PCDH19: variants seen among roughly 807,000 people sequenced by gnomAD.
The protein encoded by PCDH19 is protocadherin-19.
A neutral mutation model predicts 46.2 loss-of-function variants in PCDH19; 6 were observed. The ratio of observed to expected loss-of-function variants is 0.13; its 90% CI spans 0.07 to 0.26. The LOEUF is 0.26. Ranked by LOEUF, PCDH19 falls within the 10% of genes least tolerant of loss-of-function variation. PCDH19 has a pLI of 1.00. For missense variants in PCDH19, 740 were observed against 972.3 expected (o/e 0.76, Z 3.18); for synonymous variants, 481 against 415.7 (o/e 1.16, Z -1.91).
intron 3 of PCDH19, among the ~76,000 whole-genome samples, chrX:100,375,616 G>A (rs1482901220): frequency 8.9e-6 from 1 of 111,782 alleles, no homozygotes; most frequent in Non-Finnish European, 1.9e-5. Context: ...ACCCAGTAAT[G>A]GGATGGCTAG....
intron 5 of PCDH19, among the ~76,000 whole-genome samples, chrX:100,332,739 C>T (rs1204880190): frequency 9.0e-6 from 1 of 110,601 alleles, no homozygotes; most frequent in African/African-American, 3.3e-5. Flanking sequence ...AGGCTGGGAG[C>T]GGTGGCTCAT....
intron 3 of PCDH19, among the ~76,000 whole-genome samples, chrX:100,386,326 G>A (rs1273743033): frequency 1.7e-4 from 19 of 111,338 alleles, no homozygotes; most frequent in Admixed American, 1.6e-3. Context: ...ATAAAGCATC[G>A]TGTGCTTAGT....
chrX:100,302,944 T>C (rs192405148), intron 5 of PCDH19, among the ~76,000 whole-genome samples: 1 of 111,757 alleles, frequency 8.9e-6, no homozygotes, highest in African/African-American at 3.3e-5. Context: ...CCAGATACTG[T>C]GCAACTCCTA....
intron 5 of PCDH19, among the ~76,000 whole-genome samples, chrX:100,335,785 G>A: frequency 9.0e-6 from 1 of 111,727 alleles, no homozygotes; most frequent in East Asian, 2.8e-4. Flanking sequence ...ATATTACTGA[G>A]TAATGAGTGA....
At chrX:100,371,255 G>A (rs2147508755) in intron 3 of PCDH19, among the ~76,000 whole-genome samples, 1 of 111,638 alleles carries the variant, frequency 9.0e-6, no homozygotes, top group Admixed American at 9.5e-5. Flanking sequence ...GTGGCTTTTA[G>A]CTTAATACAA....
intron 3 of PCDH19, among the ~76,000 whole-genome samples, chrX:100,386,627 A>G (rs1466048992): frequency 9.0e-6 from 1 of 111,704 alleles, no homozygotes; most frequent in East Asian, 2.8e-4. Flanking sequence ...AGCCATCTGA[A>G]GAGAAAATAT....
Position 100,292,254 on chromosome X carries a change from A to G in PCDH19, c.*4023T>C, listed in dbSNP as rs1257524308. 1 of 112,947 alleles carries G rather than the reference A, an allele frequency of 8.9e-6. No homozygotes were observed. The highest frequency in any genetic ancestry group is 1.9e-5 in the Non-Finnish European group (1 of 53,346). The allele number at this position is 112,947 out of a possible 1,213,427, so 9.3% of individuals were successfully genotyped here. A position where few individuals can be genotyped will look rare whatever the true frequency, so the allele number is the denominator to read the frequency against. On this transcript the variant is annotated 3_prime_UTR_variant, in exon 6 of 6. Transcript: ENST00000373034. The stretch of plus-strand genomic sequence containing the variant: ...AGCTGGTTTGTTTGCTAAGGTTGAC[A>G]GCAACTTTCAGTTAGTAACAAGGTC...
chrX:100,312,128 G>GAAGAGAGA (rs1925151369), intron 5 of PCDH19, among the ~76,000 whole-genome samples: 1 of 110,404 alleles, frequency 9.1e-6, no homozygotes, highest in African/African-American at 3.3e-5. Flanking sequence ...AGAGAAGAGA[G>GAAGAGAGA]AAGAGAGAAA....
chrX:100,306,434 T>C (rs929769917), intron 5 of PCDH19, among the ~76,000 whole-genome samples: 2 of 111,458 alleles, frequency 1.8e-5, no homozygotes, highest in South Asian at 7.5e-4. Flanking sequence ...GGAAAGTTCA[T>C]AGCATTAAAT....
chrX:100,406,348 T>C (rs1349902347), intron 1 of PCDH19, 103 bp downstream of exon 1: 2 of 627,579 alleles, frequency 3.2e-6, no homozygotes, highest in African/African-American at 4.4e-5. Context: ...GCAAGTATGC[T>C]GCATGCATTT....
chrX:100,333,236 A>G (rs1041250173), intron 5 of PCDH19, among the ~76,000 whole-genome samples: 2 of 106,830 alleles, frequency 1.9e-5, no homozygotes, highest in African/African-American at 3.4e-5. Context: ...AAAGAAAGAA[A>G]GAAAGAAAGA....
intron 2 of PCDH19, 23 bp from the exon 3 acceptor site, chrX:100,402,874 T>A (rs1442681508): frequency 8.9e-7 from 1 of 1,127,499 alleles, no homozygotes; most frequent in Non-Finnish European, 1.2e-6. Context: ...AAAGGCAGCA[T>A]GAATCACTAA....
chrX:100,354,906 GAAC>G (rs1254261203), intron 3 of PCDH19, among the ~76,000 whole-genome samples: 9 of 109,729 alleles, frequency 8.2e-5, no homozygotes, highest in Non-Finnish European at 1.3e-4. Context: ...AAAGAGATAA[GAAC>G]AACATTTGCT....
chrX:100,313,859 A>T (rs1191696008), intron 5 of PCDH19, among the ~76,000 whole-genome samples: 2 of 11,709 alleles, frequency 1.7e-4, no homozygotes, highest in South Asian at 7.1e-3. Context: ...GCTGTTAATC[A>T]CACACACACA....
chrX:100,324,023 C>T (rs1029219311), intron 5 of PCDH19, among the ~76,000 whole-genome samples: 1 of 111,629 alleles, frequency 9.0e-6, no homozygotes, highest in Non-Finnish European at 1.9e-5. Context: ...TCAGATTTGG[C>T]TTACAGTGTT....
intron 3 of PCDH19, among the ~76,000 whole-genome samples, chrX:100,379,846 C>G (rs1363498462): frequency 9.0e-6 from 1 of 111,422 alleles, no homozygotes; most frequent in East Asian, 2.8e-4. Flanking sequence ...GCCTTGCATG[C>G]CCTAAAACAC....
intron 5 of PCDH19, among the ~76,000 whole-genome samples, chrX:100,324,824 A>G (rs1401227557): frequency 9.0e-6 from 1 of 111,477 alleles, no homozygotes; most frequent in East Asian, 2.8e-4. Flanking sequence ...CTACTGTGGA[A>G]CAGACACTGC....
Position 100,342,021 on chromosome X carries a change from C to T in PCDH19, c.2730G>A (p.Glu910=), listed in dbSNP as rs1190810313. 1 of 1,209,624 alleles carries T rather than the reference C, an allele frequency of 8.3e-7. No homozygotes were observed. Among genetic ancestry groups the T allele is most frequent in the Non-Finnish European group, 1.1e-6 (1 of 893,605 alleles). The part of the protein sequence containing the change: ...EGNSLKDSGH[E]ESDQTDSEHD... ...GCTCACTGTCAGTTTGGTCACTCTC[C>T]TCATGTCCACTATCCTTCAGGCTGT... The change falls in exon 5 of 6, where the codon GAG becomes GAA. Residue 910 remains glutamate (E), a synonymous_variant. Transcript: ENST00000373034.
chrX:100,309,296 A>AT (rs1348303653), intron 5 of PCDH19, among the ~76,000 whole-genome samples: 1 of 111,702 alleles, frequency 9.0e-6, no homozygotes, highest in Non-Finnish European at 1.9e-5. Context: ...AAAACCAAAC[A>AT]TTATGTGTTC....
Sources: allele counts gnomAD v4.1 joint callset (sites outside exome capture counted in the v4.1 genomes callset), GRCh38; gene constraint gnomAD v4.1.1; transcripts MANE v1.5; gene names NCBI Gene and HGNC (gene_info 2026-07-23, HGNC 2026-07-21).